Variants in KHDRBS2 observed in about 807,000 individuals in gnomAD.
KHDRBS2 encodes the protein KH domain-containing, RNA-binding, signal transduction-associated protein 2.
In KHDRBS2, 26 loss-of-function variants were observed where a neutral mutation model predicts 44.3. The observed-to-expected ratio is 0.59, with a 90% CI of 0.43 to 0.81. The LOEUF is 0.81. Ranked by LOEUF, KHDRBS2 falls within the 40% of genes least tolerant of loss-of-function variation. The pLI is 0.00. For synonymous variants in KHDRBS2, 194 were observed against 151.1 expected (o/e 1.28, Z -2.08); for missense variants, 476 against 433.1 (o/e 1.10, Z -0.88).
At chr6:62,189,504 T>C (rs1824158665) in intron 1 of KHDRBS2, among the ~76,000 whole-genome samples, 1 of 152,070 alleles carries the variant, frequency 6.6e-6, no homozygotes, top group Admixed American at 6.6e-5. Context: ...TATGCAACAA[T>C]AAGTAACATC....
At chr6:61,741,544 C>A (rs575283121) in intron 6 of KHDRBS2, among the ~76,000 whole-genome samples, 1 of 151,778 alleles carries the variant, frequency 6.6e-6, no homozygotes, top group South Asian at 2.1e-4. Context: ...TATTTTGCTG[C>A]GGTTTGGGGT....
rs113477898 is a variant in KHDRBS2, at chr6:61,726,669, A to T, written c.893+6013T>A. ...CCAAATCATGAATAAACTCCCATTG[A>T]TCACTGCCACAAAAAGAATAAAATA... On this transcript the variant is annotated intron_variant, in intron 7 of 8. Coordinates refer to ENST00000281156, the MANE Select transcript of KHDRBS2 (RefSeq NM_152688.4). 6.4e-3 allele frequency among the ~76,000 whole-genome samples: 968 copies of T among 152,250 alleles called. 4 individuals carry two copies. Among genetic ancestry groups the T allele is most frequent in the Middle Eastern group, 0.031 (9 of 294 alleles).
intron 4 of KHDRBS2, among the ~76,000 whole-genome samples, chr6:61,977,438 C>T (rs1181603549): frequency 6.6e-6 from 1 of 152,090 alleles, no homozygotes; most frequent in African/African-American, 2.4e-5. Context: ...CAGTATGCAA[C>T]CCTGAATTTG....
At chr6:61,593,891 C>T in the KHDRBS2 span, among the ~76,000 whole-genome samples, 1 of 152,068 alleles carries the variant, frequency 6.6e-6, no homozygotes, top group African/African-American at 2.4e-5. Context: ...AATCTTTCTC[C>T]AAGTCTATTG....
intron 2 of KHDRBS2, among the ~76,000 whole-genome samples, chr6:62,099,337 C>T (rs1335764064): frequency 1.3e-5 from 2 of 152,272 alleles, no homozygotes; most frequent in East Asian, 3.9e-4. Flanking sequence ...TGATCACTAC[C>T]ACAGTTTCAC....
chr6:61,720,972 GA>G (rs1332856548), intron 7 of KHDRBS2, among the ~76,000 whole-genome samples: 2 of 150,772 alleles, frequency 1.3e-5, no homozygotes, highest in African/African-American at 4.9e-5. Flanking sequence ...GTAAGGAAGG[GA>G]TCCAGTTTCA....
chr6:61,555,884 C>G, the KHDRBS2 span, among the ~76,000 whole-genome samples: 2 of 152,202 alleles, frequency 1.3e-5, no homozygotes, highest in Non-Finnish European at 2.9e-5. Context: ...GGTTGGGAAC[C>G]TGCTGTGCTG....
At chr6:62,046,425 A>G (rs1787704315) in intron 3 of KHDRBS2, among the ~76,000 whole-genome samples, 1 of 151,992 alleles carries the variant, frequency 6.6e-6, no homozygotes. Flanking sequence ...AAAATATGTT[A>G]AGTGATAAAA....
the KHDRBS2 span, among the ~76,000 whole-genome samples, chr6:61,623,530 T>C: frequency 6.6e-6 from 1 of 152,204 alleles, no homozygotes; most frequent in African/African-American, 2.4e-5. Flanking sequence ...CCACTCAGTA[T>C]TACTTATTAG....
At chr6:61,777,280 A>C (rs529402094) in intron 6 of KHDRBS2, among the ~76,000 whole-genome samples, 33 of 152,256 alleles carry the variant, frequency 2.2e-4, no homozygotes, top group Admixed American at 8.5e-4. Context: ...CCAAAACTTA[A>C]AGTATAATAA....
chr6:61,681,084 A>G, intron 8 of KHDRBS2, 24 bp from the exon 9 acceptor site: 4 of 1,509,180 alleles, frequency 2.7e-6, no homozygotes, highest in African/African-American at 1.4e-5. Flanking sequence ...AAAGATAGTA[A>G]CACACACATG....
At chr6:62,071,175 G>T (rs966380702) in intron 2 of KHDRBS2, among the ~76,000 whole-genome samples, 78 of 151,842 alleles carry the variant, frequency 5.1e-4, no homozygotes, top group African/African-American at 1.7e-3. Flanking sequence ...TCGCCCACTT[G>T]TTGATGGGGT....
intron 2 of KHDRBS2, among the ~76,000 whole-genome samples, chr6:62,096,690 A>G (rs1475329845): frequency 1.3e-5 from 2 of 151,786 alleles, no homozygotes; most frequent in Admixed American, 6.6e-5. Context: ...ATTTTTTTGT[A>G]TAGATTTAAA....
At chr6:61,575,025 G>T in the KHDRBS2 span, among the ~76,000 whole-genome samples, 1 of 152,084 alleles carries the variant, frequency 6.6e-6, no homozygotes, top group African/African-American at 2.4e-5. Context: ...AGATAACATT[G>T]GAAAAACTCC....
In KHDRBS2 at chr6:61,823,531, T is replaced by G. The variant is rs1790343704; in HGVS notation, c.810+71104A>C. The stretch of plus-strand genomic sequence containing the variant: ...GTGAGCAAGTTCAGAAATAGAATAT[T>G]TCTTCCAGGATATTGTCTTAGTATG... On this transcript the variant is annotated intron_variant, in intron 6 of 8. Transcript: ENST00000281156. Among the ~76,000 whole-genome samples, 4 of 152,078 alleles carry G rather than the reference T, an allele frequency of 2.6e-5. 1 individual carries two copies. The South Asian group carries it at 8.3e-4, about 31-fold the overall frequency.
At chr6:61,570,546 A>T in the KHDRBS2 span, among the ~76,000 whole-genome samples, 3 of 152,162 alleles carry the variant, frequency 2.0e-5, no homozygotes, top group African/African-American at 7.2e-5. Context: ...TCTAGACATC[A>T]TCTAAATACA....
chr6:62,227,285 T>C (rs1832046047), intron 1 of KHDRBS2, among the ~76,000 whole-genome samples: 1 of 152,164 alleles, frequency 6.6e-6, no homozygotes, highest in African/African-American at 2.4e-5. Flanking sequence ...TTTGTAGCAA[T>C]TGTGAATGGG....
At chr6:62,213,330 G>C (rs559254648) in intron 1 of KHDRBS2, among the ~76,000 whole-genome samples, 1 of 152,086 alleles carries the variant, frequency 6.6e-6, no homozygotes, top group South Asian at 2.1e-4. Context: ...TGAGGTTGCA[G>C]TTGCATAGCG....
At chr6:61,917,976 C>T (rs1042072164) in intron 4 of KHDRBS2, among the ~76,000 whole-genome samples, 6 of 151,958 alleles carry the variant, frequency 3.9e-5, no homozygotes, top group East Asian at 1.9e-4. Context: ...GAAGGCTCCT[C>T]CATATACATT....
Sources: allele counts gnomAD v4.1 joint callset (sites outside exome capture counted in the v4.1 genomes callset), GRCh38; gene constraint gnomAD v4.1.1; transcripts MANE v1.5; gene names NCBI Gene and HGNC (gene_info 2026-07-23, HGNC 2026-07-21).